The following DGKK variants were observed in gnomAD, a reference collection of about 807,000 sequenced individuals.
DGKK encodes the protein diacylglycerol kinase kappa, also known as 142 kDa diacylglycerol kinase.
A neutral mutation model predicts 92.2 loss-of-function variants in DGKK; 35 were observed. The ratio of observed to expected loss-of-function variants is 0.38; its 90% CI spans 0.29 to 0.50. DGKK has a LOEUF of 0.50. Ranked by LOEUF, DGKK falls within the 20% of genes least tolerant of loss-of-function variation. DGKK has a pLI of 0.92. For missense variants in DGKK, 910 were observed against 992.2 expected, an observed-to-expected ratio of 0.92 and a Z score of 1.11; for synonymous variants, 368 against 360.6, an observed-to-expected ratio of 1.02 and a Z score of -0.23.
intron 4 of DGKK, among the ~76,000 whole-genome samples, chrX:50,415,522 C>A (rs1167012238): frequency 6.3e-5 from 7 of 111,316 alleles, no homozygotes; most frequent in Non-Finnish European, 1.1e-4. Flanking sequence ...GATCAAAATT[C>A]AAAATTTTGA....
chrX:50,384,573 T>C (rs1924492568), intron 16 of DGKK, 147 bp downstream of exon 16: 2 of 505,401 alleles, frequency 4.0e-6, no homozygotes, highest in Non-Finnish European at 6.6e-6. Context: ...TGGGATCTTA[T>C]AGTGTGAGTT....
At chrX:50,446,230 G>T (rs1557231844) in intron 1 of DGKK, among the ~76,000 whole-genome samples, 1 of 110,813 alleles carries the variant, frequency 9.0e-6, no homozygotes, top group East Asian at 2.9e-4. Context: ...TCTGCAAACA[G>T]GATGGTCTGA....
chrX:50,433,097 AC>A (rs1361820151), intron 1 of DGKK, among the ~76,000 whole-genome samples: 14 of 112,017 alleles, frequency 1.2e-4, no homozygotes, highest in Admixed American at 3.8e-4. Flanking sequence ...TTTGCTGCCT[AC>A]TAGCTGTGCA....
intron 8 of DGKK, among the ~76,000 whole-genome samples, chrX:50,400,311 A>G (rs1441626453): frequency 8.9e-6 from 1 of 111,904 alleles, no homozygotes; most frequent in Non-Finnish European, 1.9e-5. Flanking sequence ...AGACCTCTTG[A>G]TAGAAGACTC....
Position 50,447,371 on chromosome X carries a change from A to T in DGKK, c.645+22663T>A, listed in dbSNP as rs1427992811. Among the ~76,000 whole-genome samples, 14 of 13,765 alleles carry T rather than the reference A, an allele frequency of 1.0e-3. 1 individual carries two copies. In the East Asian group the frequency reaches 0.036, roughly 35 times the overall value. The allele number at this position is 13,765 out of a possible 115,157, so 12.0% of individuals were successfully genotyped here. On this transcript the variant is annotated intron_variant, in intron 1 of 27. Transcript: ENST00000611977. Reference sequence around the variant, plus strand: ...TATATATATATAATATATATATATTATATATATATATAATATATATATATT... The same window carrying T: ...TATATATATATAATATATATATATTTTATATATATATAATATATATATATT...
chrX:50,378,851 A>T lies in DGKK; in HGVS notation c.2863-160T>A, dbSNP rs5915424. Among the ~76,000 whole-genome samples the T allele has an allele frequency of 0.34, 37,488 of 111,241 alleles. 5,560 individuals are homozygous for T. The highest frequency in any genetic ancestry group is 0.55 in the African/African-American group (16,896 of 30,492). ...GGGAAAAAGATGAGGTCAGAAAGCC[A>T]ATCTGGGAAAAGGGTACTGCACTCT... On this transcript the variant is annotated intron_variant, in intron 20 of 27. Coordinates refer to ENST00000611977, the MANE Select transcript of DGKK (RefSeq NM_001013742.4).
chrX:50,389,738 CGCCTCA>C (rs1569544325), intron 12 of DGKK, among the ~76,000 whole-genome samples: 1 of 111,262 alleles, frequency 9.0e-6, no homozygotes, highest in Non-Finnish European at 1.9e-5. Context: ...CTGGCCCCTA[CGCCTCA>C]GCCATTATGA....
At chrX:50,447,731 T>A (rs10218009) in intron 1 of DGKK, among the ~76,000 whole-genome samples, 48,631 of 107,177 alleles carry the variant, frequency 0.45, 9,723 homozygotes, top group African/African-American at 0.76. Context: ...TGCAGGATAA[T>A]CCTTTGTGTT....
intron 20 of DGKK, among the ~76,000 whole-genome samples, chrX:50,379,372 C>T (rs1169395692): frequency 9.3e-6 from 1 of 107,788 alleles, no homozygotes; most frequent in African/African-American, 3.4e-5. Context: ...ATCTGTCAGA[C>T]CCGAGGAATG....
At chrX:50,436,975 A>G (rs1478360266) in intron 1 of DGKK, among the ~76,000 whole-genome samples, 1 of 112,053 alleles carries the variant, frequency 8.9e-6, no homozygotes, top group Non-Finnish European at 1.9e-5. Flanking sequence ...GAAGTATGAC[A>G]TAATCAAGTG....
intron 4 of DGKK, among the ~76,000 whole-genome samples, chrX:50,418,103 A>G (rs1925483179): frequency 9.0e-6 from 1 of 111,562 alleles, no homozygotes. Context: ...TTTCAAGGTC[A>G]GTCTCAAATC....
chrX:50,401,991 G>T (rs1377408724), intron 7 of DGKK, among the ~76,000 whole-genome samples: 2 of 111,369 alleles, frequency 1.8e-5, no homozygotes, highest in Non-Finnish European at 3.8e-5. Context: ...TGTCAGTAGC[G>T]CTTCCCTCCA....
In DGKK at chrX:50,401,144, A is replaced by G; in HGVS notation, c.1309-5T>C. ...TCTCCTACAGTCATCATGCACCTGA[A>G]ACGACAAGAGAAGAGCAGAGAAAAA... On this transcript the variant is annotated splice_polypyrimidine_tract_variant and splice_region_variant and intron_variant, in intron 7 of 27. Transcript: ENST00000611977. The G allele has an allele frequency of 8.4e-7, 1 of 1,188,302 alleles. No homozygotes were observed. Among genetic ancestry groups the G allele is most frequent in the South Asian group, 1.9e-5 (1 of 53,969 alleles).
chrX:50,420,578 C>G (rs1925557995), intron 3 of DGKK, 71 bp from the exon 4 acceptor site: 5 of 902,993 alleles, frequency 5.5e-6, no homozygotes, highest in Non-Finnish European at 4.8e-6. Flanking sequence ...TCTGTGAACT[C>G]TCTAAGAAAC....
rs1348795501 is a variant in DGKK, at chrX:50,371,613, AGCACTGGACCCCCT to A, written c.3612+97_3612+110del. 1.5e-4 allele frequency: 81 copies of A among 523,647 alleles called. No homozygotes were observed. The African/African-American group carries it at 1.8e-3, about 11-fold the overall frequency. The allele number at this position is 523,647 out of a possible 1,213,427, so 43.2% of individuals were successfully genotyped here. ...CTCCAGTAACCTTCAGTTTAAAGCC[AGCACTGGACCCCCT>A]GTACTACAGTCACCATGTCCTGGCC... is the stretch of plus-strand genomic sequence containing the variant. On this transcript the variant is annotated intron_variant, in intron 26 of 27. Transcript: ENST00000611977.
Position 50,447,384 on chromosome X carries a change from A to G in DGKK, c.645+22650T>C, listed in dbSNP as rs868949390. ...TATATATATATTATATATATATATA[A>G]TATATATATATTATATATATATATA... On this transcript the variant is annotated intron_variant, in intron 1 of 27. Coordinates refer to ENST00000611977, the MANE Select transcript of DGKK (RefSeq NM_001013742.4). Among the ~76,000 whole-genome samples the G allele has an allele frequency of 1.5e-3, 17 of 11,620 alleles. 2 individuals are homozygous for G. In the Admixed American group the frequency reaches 0.036, roughly 24 times the overall value. The allele number at this position is 11,620 out of a possible 115,157, so 10.1% of individuals were successfully genotyped here. A position where few individuals can be genotyped will look rare whatever the true frequency, so the allele number is the denominator to read the frequency against.
rs1486759145 is a variant in DGKK, at chrX:50,367,935, C to CAGTT, written c.*1001_*1004dup. 1 of 109,320 alleles carries CAGTT rather than the reference C, an allele frequency of 9.1e-6. No individual in the cohort carries two copies. Among genetic ancestry groups the CAGTT allele is most frequent in the East Asian group, 2.9e-4 (1 of 3,472 alleles). The allele number at this position is 109,320 out of a possible 1,213,427, so 9.0% of individuals were successfully genotyped here. On this transcript the variant is annotated 3_prime_UTR_variant, in exon 28 of 28. Transcript: ENST00000611977. ...TTAGAAGCTCCACCAAGAAATAGGG[C>CAGTT]AGTTGGTAGAGGTGTATGTGTTATT...
chrX:50,384,322 C>T (rs1557224736), intron 16 of DGKK, 58 bp from the exon 17 acceptor site: 2 of 839,218 alleles, frequency 2.4e-6, no homozygotes, highest in Non-Finnish European at 1.7e-6. Flanking sequence ...CCTTTCCCCT[C>T]ACTTGTATTT....
intron 1 of DGKK, among the ~76,000 whole-genome samples, chrX:50,435,781 CAG>C (rs1362629592): frequency 6.5e-5 from 7 of 107,577 alleles, no homozygotes; most frequent in Non-Finnish European, 1.2e-4. Flanking sequence ...GAGAGAGACT[CAG>C]AGAGAGAGAG....
Sources: allele counts gnomAD v4.1 joint callset (sites outside exome capture counted in the v4.1 genomes callset), GRCh38; gene constraint gnomAD v4.1.1; transcripts MANE v1.5; gene names NCBI Gene and HGNC (gene_info 2026-07-23, HGNC 2026-07-21).